The following ZC3HAV1 variants were observed in gnomAD, a reference collection of about 807,000 sequenced individuals.
The protein encoded by ZC3HAV1 is zinc finger CCCH-type containing, antiviral 1.
Under a neutral mutation model 86.6 loss-of-function variants are expected in ZC3HAV1, and 41 were observed. The ratio of observed to expected loss-of-function variants is 0.47; its 90% CI spans 0.37 to 0.61. The LOEUF is 0.61. ZC3HAV1 is among the 20% of genes least tolerant of loss of function. ZC3HAV1 has a pLI of 0.00. For synonymous variants in ZC3HAV1, 421 were observed against 432.1 expected, an observed-to-expected ratio of 0.97 and a Z score of 0.32; for missense variants, 964 against 1,141.1, an observed-to-expected ratio of 0.84 and a Z score of 2.24.
At chr7:139,060,899 A>G in intron 9 of ZC3HAV1, 137 bp downstream of exon 9, 2 of 1,581,026 alleles carry the variant, frequency 1.3e-6, no homozygotes, top group South Asian at 2.2e-5. Context: ...CTCATCGATA[A>G]TGCAAATGGA....
intron 3 of ZC3HAV1, among the ~76,000 whole-genome samples, chr7:139,081,704 C>T (rs751809450): frequency 3.3e-5 from 5 of 152,178 alleles, no homozygotes; most frequent in Non-Finnish European, 5.9e-5. Context: ...AGTTTCTTTA[C>T]CCTCTTAAGT....
chr7:139,082,872 T>C (rs1817164999), intron 3 of ZC3HAV1, among the ~76,000 whole-genome samples: 1 of 144,278 alleles, frequency 6.9e-6, no homozygotes, highest in South Asian at 2.4e-4. Flanking sequence ...TTTTAAAATA[T>C]TGGTTTTTTT....
At chr7:139,068,385 A>G (rs1007491241) in intron 7 of ZC3HAV1, among the ~76,000 whole-genome samples, 1 of 152,094 alleles carries the variant, frequency 6.6e-6, no homozygotes, top group Non-Finnish European at 1.5e-5. Flanking sequence ...CCACATGAGA[A>G]TTTCATCTCC....
chr7:139,095,095 T>A (rs1817545692), intron 1 of ZC3HAV1, among the ~76,000 whole-genome samples: 2 of 152,044 alleles, frequency 1.3e-5, no homozygotes, highest in Admixed American at 1.3e-4. Context: ...GATCGTTGAT[T>A]TGTATAGAAA....
intron 7 of ZC3HAV1, among the ~76,000 whole-genome samples, chr7:139,066,774 C>T (rs1051699791): frequency 6.6e-6 from 1 of 152,120 alleles, no homozygotes. Context: ...CTAGCTGAAT[C>T]GCTTCCCAAT....
At chr7:139,061,215 G>T in intron 8 of ZC3HAV1, 77 bp from the exon 9 acceptor site, 1 of 1,411,710 alleles carries the variant, frequency 7.1e-7, no homozygotes, top group Non-Finnish European at 9.7e-7. Context: ...ATTTTGCAGA[G>T]GCTATTTACA....
intron 1 of ZC3HAV1, among the ~76,000 whole-genome samples, chr7:139,094,497 T>TAAA (rs34388465): frequency 0.024 from 3,148 of 129,480 alleles, 138 homozygotes; most frequent in African/African-American, 0.082. Flanking sequence ...GGTGATAACT[T>TAAA]AAAAAAAAAA....
chr7:139,107,196 CCTT>C (rs1344226979), intron 1 of ZC3HAV1, among the ~76,000 whole-genome samples: 1 of 152,170 alleles, frequency 6.6e-6, no homozygotes, highest in Admixed American at 6.5e-5. Flanking sequence ...GCTCTCTTCT[CCTT>C]CTCAGAGATT....
intron 8 of ZC3HAV1, among the ~76,000 whole-genome samples, chr7:139,061,967 A>G (rs1479896488): frequency 6.6e-6 from 1 of 152,258 alleles, no homozygotes; most frequent in Non-Finnish European, 1.5e-5. Context: ...GAAGTCAGCC[A>G]CATGCAATGT....
rs1818005491 is a variant in ZC3HAV1 at position 139,108,567 on chromosome 7, G to T, written c.308+457C>A. 6.6e-6 allele frequency among the ~76,000 whole-genome samples: 1 copy of T among 152,232 alleles called. No homozygotes were observed. The highest frequency in any genetic ancestry group is 1.5e-5 in the Non-Finnish European group (1 of 68,042). ...TCGCTCCGGCGGAGACGGACCGGGGGCCCAGGGCGGCTGGGTTACTGGCTC... is the reference window on the plus strand; with the variant it reads ...TCGCTCCGGCGGAGACGGACCGGGGTCCCAGGGCGGCTGGGTTACTGGCTC... On this transcript the variant is annotated intron_variant, in intron 1 of 12. Coordinates refer to ENST00000242351, the MANE Select transcript of ZC3HAV1 (RefSeq NM_020119.4). This position sits in a 1 kb window ranked among gnomAD's most constrained non-coding sequence, Gnocchi z 4.2.
chr7:139,075,192 G>A (rs891293437), intron 6 of ZC3HAV1, among the ~76,000 whole-genome samples: 3 of 152,174 alleles, frequency 2.0e-5, no homozygotes, highest in Non-Finnish European at 2.9e-5. Context: ...ACTTGCCTGG[G>A]AGCGGAAATA....
intron 12 of ZC3HAV1, among the ~76,000 whole-genome samples, chr7:139,052,607 A>C (rs75716461): frequency 1.0e-5 from 1 of 97,740 alleles, no homozygotes; most frequent in South Asian, 4.0e-4. Context: ...CTCTGTCTCC[A>C]AAAAAAAAAA....
intron 9 of ZC3HAV1, chr7:139,060,800 G>C: frequency 7.2e-7 from 1 of 1,392,632 alleles, no homozygotes; most frequent in Non-Finnish European, 9.4e-7. Context: ...GTATTTAGGA[G>C]ACTCGCTCAG....
At chr7:139,101,402 G>A (rs1817758405) in intron 1 of ZC3HAV1, among the ~76,000 whole-genome samples, 1 of 136,602 alleles carries the variant, frequency 7.3e-6, no homozygotes, top group East Asian at 2.2e-4. Context: ...AGTGAGGAGC[G>A]TCTCTGCCAG....
chr7:139,084,925 T>C (rs968209341), intron 2 of ZC3HAV1, among the ~76,000 whole-genome samples: 3 of 152,228 alleles, frequency 2.0e-5, no homozygotes, highest in African/African-American at 4.8e-5. Flanking sequence ...TCTGTCTAGA[T>C]GGCAAGCCAT....
rs77607190 is a variant in ZC3HAV1 at position 139,065,050 on chromosome 7, C to G, written c.1873-51G>C. 1.7e-3 allele frequency: 2,753 copies of G among 1,609,450 alleles called. 33 individuals are homozygous for G. The African/African-American group carries it at 0.029, about 17-fold the overall frequency. ...AAGTCAGGGTAGGCTTTTAGGAAAT[C>G]TCTACTGTTATATGATTTCGTTTTA... On this transcript the variant is annotated intron_variant, in intron 7 of 12. Coordinates refer to ENST00000242351, the MANE Select transcript of ZC3HAV1 (RefSeq NM_020119.4).
intron 4 of ZC3HAV1, among the ~76,000 whole-genome samples, chr7:139,078,947 T>C (rs1157324052): frequency 6.6e-6 from 1 of 152,228 alleles, no homozygotes; most frequent in Non-Finnish European, 1.5e-5. Context: ...CTTCCCTGTC[T>C]TCACTAGTCA....
chr7:139,102,247 C>T (rs1316664117), intron 1 of ZC3HAV1, among the ~76,000 whole-genome samples: 2 of 152,168 alleles, frequency 1.3e-5, no homozygotes, highest in East Asian at 1.9e-4. Flanking sequence ...GATCCTCCCG[C>T]CTCAGCCTCC....
Position 139,109,000 on chromosome 7 carries a change from GC to G in ZC3HAV1, c.308+23del. 1 of 1,523,038 alleles carries G rather than the reference GC, an allele frequency of 6.6e-7. No homozygotes were observed. The highest frequency in any genetic ancestry group is 8.9e-7 in the Non-Finnish European group (1 of 1,127,120). The allele number at this position is 1,523,038 out of a possible 1,614,324, so 94.3% of individuals were successfully genotyped here. A position where few individuals can be genotyped will look rare whatever the true frequency, so the allele number is the denominator to read the frequency against. ...CACCCCGACCACGGCTGCGGACAGC[GC>G]CCCTCCCTCCGGGTGCACTCACCGC... On this transcript the variant is annotated intron_variant, in intron 1 of 12. Coordinates refer to ENST00000242351, the MANE Select transcript of ZC3HAV1 (RefSeq NM_020119.4). This position sits in a 1 kb window ranked among gnomAD's most constrained non-coding sequence, Gnocchi z 4.2.
Sources: allele counts gnomAD v4.1 joint callset (sites outside exome capture counted in the v4.1 genomes callset), GRCh38; gene constraint gnomAD v4.1.1; non-coding constraint Gnocchi (gnomAD v3.1); transcripts MANE v1.5; gene names NCBI Gene and HGNC (gene_info 2026-07-23, HGNC 2026-07-21).